CDK14: variants seen among roughly 807,000 people sequenced by gnomAD.
CDK14 encodes the protein cyclin dependent kinase 14, also known as cyclin-dependent kinase 14.
In CDK14, 34 loss-of-function variants were observed where a neutral mutation model predicts 60.7. The observed-to-expected ratio is 0.56, with a 90% CI of 0.43 to 0.75. The LOEUF (loss-of-function observed/expected upper bound fraction) is 0.75, where lower values mean the gene tolerates loss of function less well. Among genes scored for constraint, CDK14 ranks in the 30% least tolerant of loss-of-function variants. The pLI, the probability that CDK14 is intolerant of heterozygous loss-of-function variation, is 0.00. For missense variants in CDK14, 482 were observed against 564.1 expected (o/e 0.85, Z 1.47); for synonymous variants, 197 against 203.7 (o/e 0.97, Z 0.28).
At position 91,080,048 on chromosome 7, in the gene CDK14, G is replaced by A. The variant is rs184490040; in HGVS notation, c.1154+568G>A. Among the ~76,000 whole-genome samples the A allele has an allele frequency of 1.7e-4, 26 of 152,284 alleles. No homozygotes were observed. The East Asian group carries it at 4.2e-3, about 25-fold the overall frequency. ...ATCTGGATTTTGTAGTTACTCAGGA[G>A]ACTTTTATTGCAAGCCAATGTGTTA... On this transcript the variant is annotated intron_variant, in intron 12 of 14. Transcript: ENST00000380050.
chr7:90,668,696 A>ATTATTTTTTTTTTTTTTTTTTTTT (rs1554431005), intron 2 of CDK14, among the ~76,000 whole-genome samples: 19 of 68,434 alleles, frequency 2.8e-4, no homozygotes, highest in Middle Eastern at 0.011. Flanking sequence ...AAGGACTCGC[A>ATTATTTTTTTTTTTTTTTTTTTTT]TTCTTTTTTT....
chr7:90,946,920 C>G (rs1794119043), intron 8 of CDK14, among the ~76,000 whole-genome samples: 1 of 152,218 alleles, frequency 6.6e-6, no homozygotes. Context: ...AGCCTTCTAG[C>G]TTACTGCTCC....
intron 10 of CDK14, among the ~76,000 whole-genome samples, chr7:90,995,282 C>A (rs1795652721): frequency 6.6e-6 from 1 of 152,118 alleles, no homozygotes; most frequent in African/African-American, 2.4e-5. Flanking sequence ...ACTGATGTTT[C>A]CAGCCAACAG....
At chr7:90,894,483 A>C (rs1471574903) in intron 6 of CDK14, among the ~76,000 whole-genome samples, 1 of 152,170 alleles carries the variant, frequency 6.6e-6, no homozygotes, top group African/African-American at 2.4e-5. Context: ...AAGTCTTTTA[A>C]GTTTTCCCAG....
chr7:90,827,452 C>A (rs1789765014), intron 5 of CDK14, among the ~76,000 whole-genome samples: 1 of 152,188 alleles, frequency 6.6e-6, no homozygotes, highest in Non-Finnish European at 1.5e-5. Flanking sequence ...ATTTTCAACT[C>A]ATTTGAATAC....
chr7:91,098,897 T>C (rs562356829), intron 12 of CDK14, among the ~76,000 whole-genome samples: 64 of 152,294 alleles, frequency 4.2e-4, no homozygotes, highest in African/African-American at 1.5e-3. Context: ...AAATCTGATA[T>C]ATTTTTAGGG....
chr7:90,921,951 A>G (rs1312387153), intron 8 of CDK14, among the ~76,000 whole-genome samples: 1 of 152,166 alleles, frequency 6.6e-6, no homozygotes, highest in Non-Finnish European at 1.5e-5. Flanking sequence ...TCTGTAGAGG[A>G]CATGGTAAGT....
chr7:90,713,802 A>G (rs187803928), intron 2 of CDK14, among the ~76,000 whole-genome samples: 3 of 152,122 alleles, frequency 2.0e-5, no homozygotes, highest in African/African-American at 7.2e-5. Flanking sequence ...CCTGTAATCA[A>G]TCCCATCTCC....
rs1295834558 is a variant in CDK14 at position 90,895,768 on chromosome 7, G to T, written c.640-3523G>T. Among the ~76,000 whole-genome samples, 19 of 138,264 alleles carry T rather than the reference G, an allele frequency of 1.4e-4. 1 individual carries two copies. The South Asian group carries it at 2.4e-3, about 17-fold the overall frequency. The allele number at this position is 138,264 out of a possible 152,430, so 90.7% of individuals were successfully genotyped here. ...TTTTGAGATTTTTAGTAGAGATGGG[G>T]TTTTGCCATATTGCTCAGGCTGGTC... is the stretch of plus-strand genomic sequence containing the variant. On this transcript the variant is annotated intron_variant, in intron 6 of 14. Transcript: ENST00000380050.
chr7:90,706,370 C>G (rs1460673179), intron 2 of CDK14, among the ~76,000 whole-genome samples: 1 of 152,146 alleles, frequency 6.6e-6, no homozygotes, highest in Non-Finnish European at 1.5e-5. Context: ...TCCATTTCCA[C>G]TCTACATATG....
intron 4 of CDK14, among the ~76,000 whole-genome samples, chr7:90,774,389 A>G (rs1804929719): frequency 6.6e-6 from 1 of 152,238 alleles, no homozygotes; most frequent in Non-Finnish European, 1.5e-5. Flanking sequence ...TGCCTATAAG[A>G]CAGTTCATTT....
chr7:90,779,636 A>G (rs1805223643), intron 4 of CDK14, among the ~76,000 whole-genome samples: 1 of 152,194 alleles, frequency 6.6e-6, no homozygotes, highest in Non-Finnish European at 1.5e-5. Context: ...ATAAACTTCC[A>G]TGAAGCCATC....
rs1267435147 is a variant in CDK14, at chr7:90,963,121, G to GTGTGTGTGTGTT, written c.947+7307_947+7308insGTGTGTGTTTGT. The stretch of plus-strand genomic sequence containing the variant: ...TGTGTGTGTGTGTGTGTGTGTGTGT[G>GTGTGTGTGTGTT]TGTTTTAATTTAGAAATATATAGGC... On this transcript the variant is annotated intron_variant, in intron 9 of 14. Transcript: ENST00000380050. 7.1e-3 allele frequency among the ~76,000 whole-genome samples: 1,016 copies of GTGTGTGTGTGTT among 142,296 alleles called. 27 individuals carry two copies. The highest frequency in any genetic ancestry group is 0.047 in the Admixed American group (674 of 14,260). The allele number at this position is 142,296 out of a possible 152,430, so 93.4% of individuals were successfully genotyped here.
At chr7:90,894,095 A>G (rs1792222153) in intron 6 of CDK14, among the ~76,000 whole-genome samples, 1 of 152,196 alleles carries the variant, frequency 6.6e-6, no homozygotes, top group Non-Finnish European at 1.5e-5. Flanking sequence ...AACACGCTAC[A>G]GAAAATCACC....
chr7:91,098,099 T>C (rs1799048591), intron 12 of CDK14, among the ~76,000 whole-genome samples: 1 of 152,332 alleles, frequency 6.6e-6, no homozygotes, highest in East Asian at 1.9e-4. Flanking sequence ...TCAGCAGTCT[T>C]AATCCAATTC....
intron 4 of CDK14, among the ~76,000 whole-genome samples, chr7:90,755,115 A>G (rs1252721064): frequency 6.6e-6 from 1 of 152,226 alleles, no homozygotes; most frequent in Non-Finnish European, 1.5e-5. Flanking sequence ...ATTACTGGGT[A>G]TATATCCAAA....
intron 10 of CDK14, among the ~76,000 whole-genome samples, chr7:91,024,274 T>C (rs974625719): frequency 3.3e-5 from 5 of 152,226 alleles, no homozygotes; most frequent in African/African-American, 1.2e-4. Flanking sequence ...TAGTCTTTGT[T>C]ATACCTGTTT....
intron 10 of CDK14, among the ~76,000 whole-genome samples, chr7:91,034,945 TAC>T (rs35003949): frequency 0.22 from 32,199 of 145,892 alleles, 3,826 homozygotes; most frequent in African/African-American, 0.31. Flanking sequence ...CACATACACA[TAC>T]ACACACACAC....
chr7:90,806,104 C>T (rs192704287), intron 5 of CDK14, among the ~76,000 whole-genome samples: 1 of 152,054 alleles, frequency 6.6e-6, no homozygotes, highest in Non-Finnish European at 1.5e-5. Context: ...AAGATATACA[C>T]CCTTATATAA....
Sources: gnomAD v4.1 joint callset for allele counts (sites outside exome capture counted in the v4.1 genomes callset) on GRCh38, gnomAD v4.1.1 for gene constraint, MANE v1.5 for transcripts, NCBI Gene and HGNC (gene_info 2026-07-23, HGNC 2026-07-21) for gene names.